RIT2: variants seen among roughly 807,000 people sequenced by gnomAD.
RIT2 encodes GTP-binding protein Rit2.
RIT2 carries 24 observed loss-of-function variants against 23.7 expected under a neutral mutation model. That is an observed-to-expected ratio of 1.01 (90% confidence interval 0.73 to 1.43). RIT2 has a LOEUF of 1.43. Ranked by LOEUF, RIT2 falls within the 40% of genes most tolerant of loss-of-function variation. The pLI is 0.00. For missense variants in RIT2, 236 were observed against 266.9 expected, an observed-to-expected ratio of 0.88 and a Z score of 0.81; for synonymous variants, 107 against 91.1, an observed-to-expected ratio of 1.17 and a Z score of -0.99.
intron 1 of RIT2, among the ~76,000 whole-genome samples, chr18:43,107,091 C>T (rs1913840944): frequency 6.6e-6 from 1 of 152,274 alleles, no homozygotes; most frequent in Admixed American, 6.5e-5. Context: ...CACACACGCA[C>T]AGAAATAATC....
rs150377605 is a variant in RIT2, at chr18:43,050,257, C to T, written c.104-16390G>A. ...TGTTGTCCTGGCTGGTCTCAAACTC[C>T]TGGGCTCAAGTGATCCTACTGCCTT... On this transcript the variant is annotated intron_variant, in intron 1 of 4. Transcript: ENST00000326695. Among the ~76,000 whole-genome samples the T allele has an allele frequency of 2.9e-3, 442 of 152,040 alleles. 1 individual carries two copies. Among genetic ancestry groups the T allele is most frequent in the African/African-American group, 0.01 (425 of 41,480 alleles).
chr18:43,001,330 G>A (rs1349515953), intron 2 of RIT2, among the ~76,000 whole-genome samples: 4 of 151,810 alleles, frequency 2.6e-5, no homozygotes, highest in Admixed American at 1.3e-4. Context: ...GGCTCTAGGG[G>A]ACATAAAACA....
chr18:42,765,318 T>A (rs1913395105), intron 4 of RIT2, among the ~76,000 whole-genome samples: 1 of 152,168 alleles, frequency 6.6e-6, no homozygotes, highest in Non-Finnish European at 1.5e-5. Flanking sequence ...ACAATAAACT[T>A]TAACTTGGAA....
At chr18:42,995,994 G>T (rs1433247723) in intron 2 of RIT2, among the ~76,000 whole-genome samples, 2 of 152,126 alleles carry the variant, frequency 1.3e-5, no homozygotes, top group African/African-American at 2.4e-5. Context: ...AACTCTTAAA[G>T]TAAATAAATA....
chr18:42,922,759 A>T (rs1273930742), intron 4 of RIT2, among the ~76,000 whole-genome samples: 1 of 152,132 alleles, frequency 6.6e-6, no homozygotes, highest in East Asian at 1.9e-4. Flanking sequence ...AGCTAGCCAC[A>T]GTTTCTTCCT....
intron 1 of RIT2, among the ~76,000 whole-genome samples, chr18:43,083,556 AG>A (rs1411426959): frequency 2.0e-5 from 3 of 152,148 alleles, no homozygotes; most frequent in Admixed American, 2.0e-4. Flanking sequence ...AACAGAACAG[AG>A]GCCTCAGAAA....
At chr18:42,915,851 GTATA>G (rs138076243) in intron 4 of RIT2, among the ~76,000 whole-genome samples, 1 of 150,816 alleles carries the variant, frequency 6.6e-6, no homozygotes, top group African/African-American at 2.4e-5. Context: ...ACATATGCGT[GTATA>G]TATATATACA....
At chr18:43,064,161 T>C (rs1220799981) in intron 1 of RIT2, among the ~76,000 whole-genome samples, 3 of 152,172 alleles carry the variant, frequency 2.0e-5, no homozygotes, top group Non-Finnish European at 4.4e-5. Context: ...CAGAAATAAG[T>C]AGAATTCAAT....
intron 4 of RIT2, among the ~76,000 whole-genome samples, chr18:42,828,110 C>T (rs73470073): frequency 5.3e-5 from 8 of 151,396 alleles, no homozygotes; most frequent in Admixed American, 2.0e-4. Context: ...GTTTGACAAT[C>T]GTAAGTGCTG....
intron 1 of RIT2, among the ~76,000 whole-genome samples, chr18:43,110,842 T>G (rs1157454410): frequency 1.4e-4 from 21 of 152,202 alleles, no homozygotes; most frequent in Admixed American, 1.4e-3. Flanking sequence ...GTCTTATTTT[T>G]AAAATAAACT....
intron 3 of RIT2, among the ~76,000 whole-genome samples, chr18:42,929,342 G>C (rs1909270717): frequency 6.6e-6 from 1 of 151,980 alleles, no homozygotes; most frequent in Non-Finnish European, 1.5e-5. Context: ...AGACTAACCT[G>C]TAATTGTGGT....
chr18:42,807,382 C>A (rs1905713126), intron 4 of RIT2, among the ~76,000 whole-genome samples: 1 of 152,082 alleles, frequency 6.6e-6, no homozygotes, highest in Admixed American at 6.6e-5. Context: ...TTTGGGAAAC[C>A]AAGGCAGGCG....
At chr18:42,812,382 C>T (rs944123592) in intron 4 of RIT2, among the ~76,000 whole-genome samples, 40 of 152,000 alleles carry the variant, frequency 2.6e-4, no homozygotes, top group African/African-American at 9.4e-4. Flanking sequence ...AGAGTATAGA[C>T]AAAAAATCAA....
intron 1 of RIT2, among the ~76,000 whole-genome samples, chr18:43,110,594 G>A (rs950617322): frequency 2.6e-5 from 4 of 152,060 alleles, no homozygotes; most frequent in Non-Finnish European, 4.4e-5. Flanking sequence ...TTTAGGGTGG[G>A]TGAGTGGCGG....
At chr18:42,902,498 G>A (rs1028723445) in intron 4 of RIT2, among the ~76,000 whole-genome samples, 5 of 151,278 alleles carry the variant, frequency 3.3e-5, no homozygotes, top group African/African-American at 1.2e-4. Flanking sequence ...CTATTATTGT[G>A]TACTTTATAA....
intron 3 of RIT2, among the ~76,000 whole-genome samples, chr18:42,931,637 G>T (rs907353260): frequency 1.3e-5 from 2 of 152,072 alleles, no homozygotes; most frequent in Non-Finnish European, 1.5e-5. Flanking sequence ...TCCACTAAAA[G>T]ATATTTTTAA....
At chr18:42,892,254 A>G (rs656134) in intron 4 of RIT2, among the ~76,000 whole-genome samples, 113,263 of 152,022 alleles carry the variant, frequency 0.75, 42,720 homozygotes, top group Non-Finnish European at 0.81. Flanking sequence ...CACTGTTAAA[A>G]AACCTTTCAT....
chr18:42,885,089 T>C lies in RIT2; in HGVS notation c.426+38483A>G, dbSNP rs2027748. On this transcript the variant is annotated intron_variant, in intron 4 of 4. Transcript: ENST00000326695. ...TTAAAATGCTTCTGTTGTGAATTCA[T>C]CTTAAATCAAGGTAACAACTGGCTC... 2.5e-3 allele frequency among the ~76,000 whole-genome samples: 381 copies of C among 152,316 alleles called. 3 individuals carry two copies. Among genetic ancestry groups the C allele is most frequent in the African/African-American group, 8.5e-3 (354 of 41,574 alleles).
intron 2 of RIT2, among the ~76,000 whole-genome samples, chr18:43,014,734 G>T (rs1414968774): frequency 1.3e-5 from 2 of 151,662 alleles, no homozygotes; most frequent in East Asian, 1.9e-4. Flanking sequence ...AAATAAGAGT[G>T]CAGGAATGAG....
Sources: allele counts gnomAD v4.1 joint callset (sites outside exome capture counted in the v4.1 genomes callset), GRCh38; gene constraint gnomAD v4.1.1; transcripts MANE v1.5; gene names NCBI Gene and HGNC (gene_info 2026-07-23, HGNC 2026-07-21).